Variants in PIGN observed in about 807,000 individuals in gnomAD.
PIGN encodes the protein GPI ethanolamine phosphate transferase 1.
In PIGN, 117 loss-of-function variants were observed where a neutral mutation model predicts 125.4. The observed-to-expected ratio is 0.93, with a 90% CI of 0.80 to 1.09. The LOEUF (loss-of-function observed/expected upper bound fraction) is 1.09, where lower values mean the gene tolerates loss of function less well. PIGN is among the 50% of genes least tolerant of loss of function. The pLI is 0.00. For missense variants in PIGN, 1,075 were observed against 1,094.9 expected, an observed-to-expected ratio of 0.98 and a Z score of 0.26; for synonymous variants, 392 against 377.8, an observed-to-expected ratio of 1.04 and a Z score of -0.44.
chr18:62,064,779 G>A (rs2032404022), intron 30 of PIGN, among the ~76,000 whole-genome samples: 1 of 152,090 alleles, frequency 6.6e-6, no homozygotes, highest in Non-Finnish European at 1.5e-5. Flanking sequence ...AACTTAACCT[G>A]CTTTTCCCAG....
intron 27 of PIGN, 73 bp downstream of exon 27, chr18:62,084,458 A>T: frequency 1.1e-6 from 1 of 951,782 alleles, no homozygotes; most frequent in Non-Finnish European, 1.6e-6. Context: ...ATTGCTACTT[A>T]ACTCTGTCTA....
intron 25 of PIGN, among the ~76,000 whole-genome samples, chr18:62,085,512 T>C (rs1260899676): frequency 6.6e-6 from 1 of 152,100 alleles, no homozygotes; most frequent in Non-Finnish European, 1.5e-5. Context: ...GTAAGTTATT[T>C]TCCTCTTCCC....
intron 10 of PIGN, 32 bp downstream of exon 10, chr18:62,145,877 G>A (rs1328075498): frequency 9.6e-7 from 1 of 1,039,834 alleles, no homozygotes; most frequent in Non-Finnish European, 1.5e-6. Context: ...TTAAGAGGTT[G>A]TATTTATAAA....
intron 14 of PIGN, chr18:62,135,607 T>C (rs2035897331): frequency 6.7e-6 from 1 of 148,194 alleles, no homozygotes; most frequent in African/African-American, 2.5e-5. Flanking sequence ...TTTTCTTTTG[T>C]TTTTTCTTTG....
At chr18:62,106,963 T>G in intron 18 of PIGN, 23 bp downstream of exon 18, 3 of 1,545,940 alleles carry the variant, frequency 1.9e-6, no homozygotes, top group Non-Finnish European at 2.6e-6. Flanking sequence ...TTTGCAAATG[T>G]TGTAATCTGG....
In PIGN at chr18:62,047,357, C is replaced by T. The variant is rs540842849; in HGVS notation, c.2673-1378G>A. 1.2e-3 allele frequency among the ~76,000 whole-genome samples: 176 copies of T among 152,312 alleles called. 2 individuals carry two copies. Among genetic ancestry groups the T allele is most frequent in the African/African-American group, 4.0e-3 (168 of 41,566 alleles). On this transcript the variant is annotated intron_variant, in intron 30 of 30. Coordinates refer to ENST00000640252, the MANE Select transcript of PIGN (RefSeq NM_176787.5). ...ACATCACGTGGGGAGCCTAGACTTC[C>T]ACCTCCATGAAGCAGTAATGAGGTC... is the stretch of plus-strand genomic sequence containing the variant.
At chr18:62,047,862 A>G (rs370668958) in intron 30 of PIGN, among the ~76,000 whole-genome samples, 2 of 152,198 alleles carry the variant, frequency 1.3e-5, no homozygotes, top group South Asian at 4.1e-4. Flanking sequence ...AAACCTAAAT[A>G]ACAGAGCTGT....
intron 25 of PIGN, among the ~76,000 whole-genome samples, chr18:62,086,769 T>G (rs1313519291): frequency 6.6e-6 from 1 of 152,020 alleles, no homozygotes; most frequent in African/African-American, 2.4e-5. Flanking sequence ...AAATTTAAGT[T>G]GGGAGCCATT....
rs1213799842 is a variant in PIGN at position 62,061,535 on chromosome 18, AAAAT to A, written c.2672+11134_2672+11137del. Among the ~76,000 whole-genome samples, 18 of 110,780 alleles carry A rather than the reference AAAAT, an allele frequency of 1.6e-4. 1 individual carries two copies. Among genetic ancestry groups the A allele is most frequent in the Non-Finnish European group, 3.1e-4 (17 of 55,290 alleles). The allele number at this position is 110,780 out of a possible 152,430, so 72.7% of individuals were successfully genotyped here. ...TCAAAAAAAAAAAAAAAAAAAAAAA[AAAAT>A]GCAATAAAATAGTGAGGACAAAAGG... On this transcript the variant is annotated intron_variant, in intron 30 of 30. Coordinates refer to ENST00000640252, the MANE Select transcript of PIGN (RefSeq NM_176787.5).
chr18:62,118,885 G>GAAA (rs56320941), intron 14 of PIGN, among the ~76,000 whole-genome samples: 2 of 136,950 alleles, frequency 1.5e-5, no homozygotes, highest in Non-Finnish European at 1.6e-5. Flanking sequence ...GAAAAGAGGT[G>GAAA]AAAAAAAAAA....
rs761179886 is a variant in PIGN at position 62,095,911 on chromosome 18, A to G, written c.2117T>C (p.Leu706Pro). 10 of 1,613,020 alleles carry G rather than the reference A, an allele frequency of 6.2e-6. No individual in the cohort carries two copies. The East Asian group carries it at 2.2e-4, about 36-fold the overall frequency. ...LVVPLLSSPV[L>P]FQRLFSILLS... ...AAGTATGCTGAACAATCGCTGAAAG[A>G]GAACTGGAGAACTCAGTAGTGGCAC... The change falls in exon 23 of 31, where the codon CTC (leucine) becomes CCC (proline). Residue 706 changes from leucine to proline, a missense_variant. This residue lies in a region of PIGN where 915 missense variants were observed against 908.7 expected (regional missense o/e 1.01). Coordinates refer to ENST00000640252, the MANE Select transcript of PIGN (RefSeq NM_176787.5).
chr18:62,019,395 T>G (rs2144855921), intron 23 of PIGN, among the ~76,000 whole-genome samples: 1 of 152,322 alleles, frequency 6.6e-6, no homozygotes, highest in Non-Finnish European at 1.5e-5. Flanking sequence ...CTTCTTAGAC[T>G]AACAAAACAA....
intron 30 of PIGN, among the ~76,000 whole-genome samples, chr18:62,060,669 A>G (rs1430475083): frequency 6.6e-6 from 1 of 152,220 alleles, no homozygotes; most frequent in African/African-American, 2.4e-5. Context: ...AAGGTATAAC[A>G]ATCGTGCATG....
intron 4 of PIGN, among the ~76,000 whole-genome samples, chr18:62,160,339 C>T (rs1330794866): frequency 6.6e-6 from 1 of 152,048 alleles, no homozygotes; most frequent in Non-Finnish European, 1.5e-5. Context: ...CTTTTTAAAG[C>T]AACTTAACAG....
chr18:62,138,337 T>C, intron 13 of PIGN, 39 bp from the exon 14 acceptor site: 1 of 1,511,022 alleles, frequency 6.6e-7, no homozygotes, highest in South Asian at 1.3e-5. Flanking sequence ...ATGAGAAAAA[T>C]AATGAATTCC....
At chr18:62,134,588 A>T (rs2035859336) in intron 14 of PIGN, among the ~76,000 whole-genome samples, 1 of 152,200 alleles carries the variant, frequency 6.6e-6, no homozygotes. Flanking sequence ...TCTATTCTGT[A>T]ATCATAATTC....
intron 27 of PIGN, 23 bp downstream of exon 27, chr18:62,084,508 A>C (rs953465572): frequency 1.4e-6 from 2 of 1,412,272 alleles, no homozygotes; most frequent in Non-Finnish European, 1.9e-6. Flanking sequence ...GCTTAAGACA[A>C]ATAACAAAAT....
At position 62,157,154 on chromosome 18, in the gene PIGN, T is replaced by C. The variant is rs2147516076; in HGVS notation, c.417A>G (p.Pro139=). The C allele has an allele frequency of 6.2e-7, 1 of 1,606,262 alleles. No individual in the cohort carries two copies. Among genetic ancestry groups the C allele is most frequent in the Non-Finnish European group, 8.5e-7 (1 of 1,174,432 alleles). The change falls in exon 6 of 31, where the codon CCA becomes CCG. Residue 139 remains proline, a synonymous_variant. Transcript: ENST00000640252. ...CTTTGGCAAACATAGGCAGGATATC[T>C]GGGCTTCCCCAGCTCCATGTGTATT... The part of the protein sequence containing the change: ...ESKYTWSWGS[P]DILPMFAKGA...
intron 21 of PIGN, among the ~76,000 whole-genome samples, chr18:62,101,876 A>AC (rs1288811270): frequency 2.0e-5 from 3 of 152,162 alleles, no homozygotes; most frequent in African/African-American, 7.2e-5. Context: ...CATTTTATAG[A>AC]CTATCACATG....
Sources: allele counts gnomAD v4.1 joint callset (sites outside exome capture counted in the v4.1 genomes callset), GRCh38; gene constraint gnomAD v4.1.1; regional missense constraint gnomAD v4.1.1; transcripts MANE v1.5; gene names NCBI Gene and HGNC (gene_info 2026-07-23, HGNC 2026-07-21).